TTC6: variants seen among roughly 807,000 people sequenced by gnomAD.
TTC6 encodes the protein tetratricopeptide repeat domain 6, also known as tetratricopeptide repeat protein 6.
Under a neutral mutation model 210.4 loss-of-function variants are expected in TTC6, and 172 were observed. The observed-to-expected ratio is 0.82, with a 90% CI of 0.72 to 0.93. TTC6 has a LOEUF of 0.93. TTC6 is among the 40% of genes least tolerant of loss of function. The probability of loss-of-function intolerance (pLI) is 0.00; values close to 1 mark genes in which losing one functional copy is unlikely to be tolerated. For synonymous variants in TTC6, 804 were observed against 819.6 expected, an observed-to-expected ratio of 0.98 and a Z score of 0.32; for missense variants, 2,414 against 2,318.1, an observed-to-expected ratio of 1.04 and a Z score of -0.85.
chr14:37,796,288 T>A lies in TTC6; in HGVS notation c.3792-6T>A. 8.2e-7 allele frequency: 1 copy of A among 1,219,010 alleles called. No homozygotes were observed. Among genetic ancestry groups the A allele is most frequent in the Non-Finnish European group, 1.2e-6 (1 of 869,512 alleles). The allele number at this position is 1,219,010 out of a possible 1,614,324, so 75.5% of individuals were successfully genotyped here. ...GCTTAGAATCAAAATCGATTATTTC[T>A]TCCAGAGGACAATATCTTCTTATGA... On this transcript the variant is annotated splice_region_variant and splice_polypyrimidine_tract_variant and intron_variant, in intron 18 of 30. Coordinates refer to ENST00000553443, the Ensembl canonical transcript of TTC6.
intron 2 of TTC6, among the ~76,000 whole-genome samples, chr14:37,610,293 C>G (rs2095632228): frequency 6.6e-6 from 1 of 152,198 alleles, no homozygotes; most frequent in African/African-American, 2.4e-5. Flanking sequence ...ACATGTTGCC[C>G]TCTTCCAGCA....
chr14:37,666,809 A>G (rs2095749100), intron 1 of TTC6, among the ~76,000 whole-genome samples: 1 of 150,238 alleles, frequency 6.7e-6, no homozygotes, highest in African/African-American at 2.4e-5. Flanking sequence ...CAGGGTTCCA[A>G]AGTTACACTG....
intron 29 of TTC6, among the ~76,000 whole-genome samples, chr14:37,834,179 G>A (rs1029739091): frequency 3.3e-5 from 5 of 152,062 alleles, no homozygotes; most frequent in African/African-American, 1.2e-4. Context: ...GCCTTTTTGG[G>A]TTGAATCTAT....
At position 37,776,984 on chromosome 14, in the gene TTC6, C is replaced by T. The variant is rs529253424; in HGVS notation, c.3267-10484C>T. On this transcript the variant is annotated intron_variant, in intron 14 of 30. Coordinates refer to ENST00000553443, the Ensembl canonical transcript of TTC6. ...GGTCTGCTGTTAGCCTAATGAGGTT[C>T]CCTTTGTAGGTGACCTGTCCTTTCT... is the stretch of plus-strand genomic sequence containing the variant. Among the ~76,000 whole-genome samples the T allele has an allele frequency of 5.3e-5, 8 of 152,258 alleles. 1 individual carries two copies. In the Middle Eastern group the frequency reaches 0.014, roughly 259 times the overall value.
chr14:37,827,388 G>A (rs769878549), intron 29 of TTC6, 22 bp downstream of exon 31: 15 of 1,606,732 alleles, frequency 9.3e-6, no homozygotes, highest in South Asian at 5.5e-5. Context: ...TTTACTTAAC[G>A]CTTTCTTTTT....
intron 6 of TTC6, among the ~76,000 whole-genome samples, chr14:37,717,586 A>G (rs1233574813): frequency 6.6e-6 from 1 of 152,150 alleles, no homozygotes; most frequent in Non-Finnish European, 1.5e-5. Context: ...CCAAATATGT[A>G]AGCCCAGATG....
intron 18 of TTC6, 90 bp downstream of exon 20, chr14:37,795,442 G>C: frequency 2.6e-6 from 2 of 778,468 alleles, no homozygotes; most frequent in Non-Finnish European, 3.8e-6. Context: ...AACCTTTCAG[G>C]CTCCCCATTT....
intron 15 of TTC6, 102 bp downstream of exon 17, chr14:37,787,739 T>C (rs12586423): frequency 0.44 from 366,046 of 829,268 alleles, 80,666 homozygotes; most frequent in Non-Finnish European, 0.48. Flanking sequence ...ATGTAATATG[T>C]ATACTACTAT....
intron 20 of TTC6, among the ~76,000 whole-genome samples, chr14:37,801,538 C>T (rs1350120198): frequency 6.6e-6 from 1 of 152,074 alleles, no homozygotes; most frequent in African/African-American, 2.4e-5. Flanking sequence ...GGGTGTCGCT[C>T]CCTCAATTAT....
intron 14 of TTC6, among the ~76,000 whole-genome samples, chr14:37,778,696 T>C (rs1354781339): frequency 6.6e-6 from 1 of 152,002 alleles, no homozygotes; most frequent in Non-Finnish European, 1.5e-5. Context: ...ACCCCTCCAA[T>C]AGTCAGGGGT....
chr14:37,654,923 A>G (rs1239346420), intron 1 of TTC6, among the ~76,000 whole-genome samples: 5 of 152,172 alleles, frequency 3.3e-5, no homozygotes, highest in Non-Finnish European at 7.4e-5. Context: ...TAATCTATTT[A>G]TGTTTATCTG....
chr14:37,800,926 A>T (rs557641303), intron 20 of TTC6, among the ~76,000 whole-genome samples: 54 of 152,302 alleles, frequency 3.5e-4, no homozygotes, highest in African/African-American at 1.3e-3. Context: ...GCAAACACGT[A>T]CAACCTTTCA....
At chr14:37,741,050 G>A (rs2138961713) in intron 10 of TTC6, among the ~76,000 whole-genome samples, 1 of 152,206 alleles carries the variant, frequency 6.6e-6, no homozygotes, top group Non-Finnish European at 1.5e-5. Context: ...AAATTTGTAT[G>A]TGCTGCCAAT....
intron 14 of TTC6, among the ~76,000 whole-genome samples, chr14:37,757,454 T>C (rs984484092): frequency 1.3e-5 from 2 of 151,978 alleles, no homozygotes; most frequent in Non-Finnish European, 1.5e-5. Context: ...TTTGTATTTT[T>C]AGTAGAGATG....
intron 27 of TTC6, among the ~76,000 whole-genome samples, 154 bp from the exon 30 acceptor site, chr14:37,826,041 A>C (rs1164346022): frequency 6.6e-6 from 1 of 152,146 alleles, no homozygotes; most frequent in Non-Finnish European, 1.5e-5. Context: ...CACAGTATGC[A>C]TTCAGTATGC....
chr14:37,822,420 C>CT (rs2096160177), intron 26 of TTC6, among the ~76,000 whole-genome samples: 2 of 152,016 alleles, frequency 1.3e-5, no homozygotes, highest in Non-Finnish European at 2.9e-5. Flanking sequence ...ACAGTTTATC[C>CT]TGGGCTCCAT....
intron 1 of TTC6, among the ~76,000 whole-genome samples, chr14:37,645,604 G>A (rs772023872): frequency 1.3e-5 from 2 of 152,198 alleles, no homozygotes; most frequent in Non-Finnish European, 2.9e-5. Flanking sequence ...ATCACATTGA[G>A]CAGAAGTCTG....
At chr14:37,825,559 T>A (rs2096168958) in intron 27 of TTC6, among the ~76,000 whole-genome samples, 6 of 152,062 alleles carry the variant, frequency 3.9e-5, no homozygotes, top group Admixed American at 2.6e-4. Context: ...TGCCAGCTGG[T>A]CTTCTCTAGG....
intron 20 of TTC6, among the ~76,000 whole-genome samples, chr14:37,801,667 C>A (rs528936825): frequency 6.6e-6 from 1 of 152,248 alleles, no homozygotes; most frequent in South Asian, 2.1e-4. Flanking sequence ...CAGCTGGGAC[C>A]TGAGTGCAGC....
Sources: gnomAD v4.1 joint callset for allele counts (sites outside exome capture counted in the v4.1 genomes callset) on GRCh38, gnomAD v4.1.1 for gene constraint, MANE v1.5 for transcripts, NCBI Gene and HGNC (gene_info 2026-07-23, HGNC 2026-07-21) for gene names.